The following DOCK7 variants were observed in gnomAD, a reference collection of about 807,000 sequenced individuals.
The protein encoded by DOCK7 is dedicator of cytokinesis protein 7.
A neutral mutation model predicts 271.0 loss-of-function variants in DOCK7; 138 were observed. That is an observed-to-expected ratio of 0.51 (90% CI 0.44 to 0.59). DOCK7 has a LOEUF of 0.59. Ranked by LOEUF, DOCK7 falls within the 20% of genes least tolerant of loss-of-function variation. DOCK7 has a pLI of 0.00. For synonymous variants in DOCK7, 823 were observed against 876.1 expected (o/e 0.94, Z 1.07); for missense variants, 2,066 against 2,592.4 (o/e 0.80, Z 4.41).
At chr1:62,563,419 T>C (rs547929965) in intron 18 of DOCK7, among the ~76,000 whole-genome samples, 12 of 152,188 alleles carry the variant, frequency 7.9e-5, no homozygotes, top group African/African-American at 2.2e-4. Context: ...TAAGATGACA[T>C]AGATGCTAGA....
intron 18 of DOCK7, among the ~76,000 whole-genome samples, chr1:62,569,095 A>C (rs879134311): frequency 6.6e-6 from 1 of 152,282 alleles, no homozygotes; most frequent in East Asian, 1.9e-4. Flanking sequence ...TGAGGGAGTA[A>C]TAAATAGCCT....
intron 14 of DOCK7, among the ~76,000 whole-genome samples, chr1:62,610,139 G>A (rs1651578710): frequency 6.6e-6 from 1 of 152,088 alleles, no homozygotes; most frequent in Non-Finnish European, 1.5e-5. Context: ...GTGAGCCCCC[G>A]CGCCCAGCCG....
chr1:62,529,098 T>C (rs952826680), intron 30 of DOCK7, among the ~76,000 whole-genome samples, 179 bp downstream of exon 30: 7 of 152,208 alleles, frequency 4.6e-5, no homozygotes, highest in Admixed American at 1.3e-4. Flanking sequence ...AGCAATCTTA[T>C]ACGGAATTCT....
Position 62,543,567 on chromosome 1 carries a change from T to C in DOCK7, c.2949+89A>G, listed in dbSNP as rs879241832. ...AAGCACAATGCAATTACTGTAAGTA[T>C]CTCATACTGGTTATGTAAAGAAATC... On this transcript the variant is annotated intron_variant, in intron 24 of 49. Coordinates refer to ENST00000635253, the MANE Select transcript of DOCK7 (RefSeq NM_001367561.1). 3 of 939,020 alleles carry C rather than the reference T, an allele frequency of 3.2e-6. No individual in the cohort carries two copies. In the African/African-American group the frequency reaches 4.9e-5, roughly 15 times the overall value. The allele number at this position is 939,020 out of a possible 1,614,324, so 58.2% of individuals were successfully genotyped here.
intron 43 of DOCK7, chr1:62,485,540 CA>C: frequency 5.1e-6 from 5 of 985,338 alleles, no homozygotes; most frequent in Non-Finnish European, 6.0e-6. Context: ...GACTTCAATC[CA>C]GTGAAAGATC....
chr1:62,581,814 A>G (rs969995513), intron 16 of DOCK7, among the ~76,000 whole-genome samples: 1 of 152,294 alleles, frequency 6.6e-6, no homozygotes. Flanking sequence ...TATAAAGACA[A>G]GAAAGAAGAA....
chr1:62,502,637 G>T (rs375643359), intron 37 of DOCK7, among the ~76,000 whole-genome samples: 5 of 151,866 alleles, frequency 3.3e-5, no homozygotes, highest in African/African-American at 1.2e-4. Flanking sequence ...GAGTACTAGG[G>T]GTATTACATA....
intron 37 of DOCK7, among the ~76,000 whole-genome samples, chr1:62,501,029 G>A (rs1305066219): frequency 3.3e-5 from 5 of 151,486 alleles, no homozygotes; most frequent in Admixed American, 6.6e-5. Flanking sequence ...AGGAGGAAAC[G>A]CTGTCTCTAT....
At chr1:62,532,770 G>A (rs1645217539) in intron 29 of DOCK7, among the ~76,000 whole-genome samples, 1 of 152,190 alleles carries the variant, frequency 6.6e-6, no homozygotes, top group Admixed American at 6.5e-5. Context: ...GCTTCAAGAG[G>A]AGAAAAATCC....
intron 14 of DOCK7, among the ~76,000 whole-genome samples, chr1:62,603,458 A>AT (rs1650460774): frequency 6.6e-6 from 1 of 151,786 alleles, no homozygotes; most frequent in East Asian, 1.9e-4. Context: ...ATTTAAAATG[A>AT]TTTTTTAAAT....
chr1:62,539,463 A>T (rs1459707798), intron 27 of DOCK7, 82 bp downstream of exon 27: 1 of 1,180,952 alleles, frequency 8.5e-7, no homozygotes, highest in Admixed American at 2.3e-5. Context: ...TGTGCTCTTA[A>T]GGTCTCTTAG....
chr1:62,468,248 CA>C (rs1645732867), intron 48 of DOCK7, among the ~76,000 whole-genome samples: 2 of 150,766 alleles, frequency 1.3e-5, no homozygotes, highest in African/African-American at 4.9e-5. Context: ...GTAATCCCAG[CA>C]ACTCAGGAAA....
chr1:62,475,672 C>G, intron 46 of DOCK7, 35 bp downstream of exon 46: 2 of 1,577,966 alleles, frequency 1.3e-6, no homozygotes, highest in Non-Finnish European at 1.7e-6. Flanking sequence ...AATGTATTTG[C>G]TTCACTAATG....
intron 14 of DOCK7, chr1:62,602,459 T>TTACTG: frequency 8.1e-7 from 1 of 1,239,978 alleles, no homozygotes; most frequent in South Asian, 1.2e-5. Context: ...GACCAGGTAT[T>TTACTG]AGGAAAAGTA....
intron 18 of DOCK7, among the ~76,000 whole-genome samples, chr1:62,574,496 G>A (rs1252807310): frequency 6.6e-6 from 1 of 152,138 alleles, no homozygotes. Context: ...ACACCAGACT[G>A]GAGGAATTAA....
At chr1:62,602,247 A>G in intron 14 of DOCK7, 1 of 1,508,118 alleles carries the variant, frequency 6.6e-7, no homozygotes, top group Non-Finnish European at 9.2e-7. Context: ...GTCAACATAA[A>G]TCTACTAAAA....
chr1:62,652,178 C>T (rs1459798551), intron 4 of DOCK7, among the ~76,000 whole-genome samples: 1 of 152,126 alleles, frequency 6.6e-6, no homozygotes, highest in Non-Finnish European at 1.5e-5. Flanking sequence ...ACCAAGTCTC[C>T]CTTTCCATTG....
chr1:62,568,947 G>C (rs535491953), intron 18 of DOCK7, among the ~76,000 whole-genome samples: 25 of 151,968 alleles, frequency 1.6e-4, no homozygotes, highest in Non-Finnish European at 2.8e-4. Context: ...ACGACCATCA[G>C]AGAATGTACT....
intron 26 of DOCK7, 24 bp from the exon 27 acceptor site, chr1:62,539,682 A>G: frequency 6.2e-7 from 1 of 1,610,594 alleles, no homozygotes; most frequent in South Asian, 1.1e-5. Context: ...TATAAAACAA[A>G]AACAAATTAA....
Sources: gnomAD v4.1 joint callset for allele counts (sites outside exome capture counted in the v4.1 genomes callset) on GRCh38, gnomAD v4.1.1 for gene constraint, MANE v1.5 for transcripts, NCBI Gene and HGNC (gene_info 2026-07-23, HGNC 2026-07-21) for gene names.